Variants in ALG9 observed in about 807,000 individuals in gnomAD.
The protein encoded by ALG9 is alpha-1,2-mannosyltransferase ALG9.
In ALG9, 55 loss-of-function variants were observed where a neutral mutation model predicts 81.8. That is an observed-to-expected ratio of 0.67 (90% CI 0.54 to 0.84). The LOEUF (loss-of-function observed/expected upper bound fraction) is 0.84. Ranked by LOEUF, ALG9 falls within the 40% of genes least tolerant of loss-of-function variation. The pLI is 0.00. For synonymous variants in ALG9, 278 were observed against 274.3 expected, an observed-to-expected ratio of 1.01 and a Z score of -0.13; for missense variants, 629 against 745.0, an observed-to-expected ratio of 0.84 and a Z score of 1.81.
At chr11:111,805,218 A>C in intron 14 of ALG9, 1 of 456,094 alleles carries the variant, frequency 2.2e-6, no homozygotes, top group Non-Finnish European at 4.4e-6. Flanking sequence ...TCTTGCAGCC[A>C]TGTGAGGATA....
the ALG9 span, among the ~76,000 whole-genome samples, chr11:111,776,435 C>G: frequency 6.6e-6 from 1 of 151,960 alleles, no homozygotes. Context: ...ACTAAAAATA[C>G]AAAAGTTAGC....
chr11:111,822,729 A>G (rs1249777320), intron 13 of ALG9, among the ~76,000 whole-genome samples: 2 of 151,760 alleles, frequency 1.3e-5, no homozygotes, highest in East Asian at 3.9e-4. Context: ...AAATAAACAA[A>G]CAAAAAAAAC....
At chr11:111,861,376 C>T (rs1960057872) in intron 4 of ALG9, among the ~76,000 whole-genome samples, 1 of 152,148 alleles carries the variant, frequency 6.6e-6, no homozygotes, top group Admixed American at 6.5e-5. Flanking sequence ...TTGCTTTTTC[C>T]TAAGTACCTC....
intron 14 of ALG9, among the ~76,000 whole-genome samples, chr11:111,806,535 G>A (rs1419745330): frequency 1.3e-5 from 2 of 152,142 alleles, no homozygotes; most frequent in African/African-American, 2.4e-5. Context: ...CTACTTTACT[G>A]ATGATTGCCC....
intron 13 of ALG9, chr11:111,828,891 C>T (rs1348106037): frequency 2.6e-5 from 4 of 152,116 alleles, no homozygotes; most frequent in African/African-American, 9.7e-5. Flanking sequence ...AGTGTATATC[C>T]CAGAACTTCT....
intron 13 of ALG9, among the ~76,000 whole-genome samples, chr11:111,826,990 C>T (rs1953427408): frequency 6.6e-6 from 1 of 152,086 alleles, no homozygotes; most frequent in Non-Finnish European, 1.5e-5. Context: ...TTTTTAATTT[C>T]TAGCAGCTCT....
At chr11:111,848,083 C>T (rs1957186280) in intron 8 of ALG9, among the ~76,000 whole-genome samples, 2 of 152,136 alleles carry the variant, frequency 1.3e-5, no homozygotes, top group Admixed American at 1.3e-4. Flanking sequence ...TCTTATCCCA[C>T]TTTTGCTACT....
At chr11:111,790,269 G>A (rs547738704) in intron 14 of ALG9, among the ~76,000 whole-genome samples, 1 of 152,116 alleles carries the variant, frequency 6.6e-6, no homozygotes, top group Admixed American at 6.5e-5. Context: ...GGAGCTTGTA[G>A]TAAACCAAGA....
At chr11:111,870,732 C>T (rs1180891260) in intron 1 of ALG9, 11 of 1,019,514 alleles carry the variant, frequency 1.1e-5, no homozygotes, top group Non-Finnish European at 1.3e-5. Context: ...TAGCTCAATG[C>T]ATTTATGTCA....
In ALG9 at chr11:111,867,263, A is replaced by C. The variant is rs9919561; in HGVS notation, c.405+1339T>G. On this transcript the variant is annotated intron_variant, in intron 3 of 14. Transcript: ENST00000616540. The stretch of plus-strand genomic sequence containing the variant: ...TCTGAAAACCTTGCAGTGGCTTTAC[A>C]TAACAGACTTGGGGGGAAAAGAACA... 5.4e-3 allele frequency among the ~76,000 whole-genome samples: 827 copies of C among 152,358 alleles called. 3 individuals carry two copies. Among genetic ancestry groups the C allele is most frequent in the African/African-American group, 0.019 (775 of 41,582 alleles).
chr11:111,820,572 A>G (rs1180707868), intron 13 of ALG9, among the ~76,000 whole-genome samples: 1 of 152,174 alleles, frequency 6.6e-6, no homozygotes, highest in Non-Finnish European at 1.5e-5. Flanking sequence ...AACACTGACA[A>G]ATTGGGGATC....
rs1228916197 is a variant in ALG9, at chr11:111,785,844, A to C, written c.*553T>G. ...CCTAGTCCTGTGAAGTGCTTTAAAG[A>C]AGCTTAGTCTTGCTGGAGGTGAAAA... On this transcript the variant is annotated 3_prime_UTR_variant, in exon 15 of 15. Transcript: ENST00000616540. The C allele has an allele frequency of 8.4e-6, 3 of 357,470 alleles. No individual in the cohort carries two copies. The highest frequency in any genetic ancestry group is 3.8e-5 in the Admixed American group (1 of 26,134). The allele number at this position is 357,470 out of a possible 1,614,324, so 22.1% of individuals were successfully genotyped here.
At position 111,871,535 on chromosome 11, in the gene ALG9, A is replaced by C. The variant is rs1356268072; in HGVS notation, c.-53T>G. Reference sequence around the variant, plus strand: ...CACCCTATGAAGTCGGTGAGCGCGCAGACATAGCTTTGGCTGGCAAACGGT... The same window carrying C: ...CACCCTATGAAGTCGGTGAGCGCGCCGACATAGCTTTGGCTGGCAAACGGT... On this transcript the variant is annotated 5_prime_UTR_variant, in exon 1 of 15. Transcript: ENST00000616540. The C allele has an allele frequency of 6.5e-7, 1 of 1,534,624 alleles. No homozygotes were observed.
At chr11:111,798,424 C>T (rs1948619854) in intron 14 of ALG9, among the ~76,000 whole-genome samples, 1 of 152,116 alleles carries the variant, frequency 6.6e-6, no homozygotes, top group African/African-American at 2.4e-5. Context: ...TCCCACCAGA[C>T]TCCCACAACC....
intron 13 of ALG9, among the ~76,000 whole-genome samples, chr11:111,826,421 C>T (rs1953312878): frequency 6.6e-6 from 1 of 151,138 alleles, no homozygotes. Flanking sequence ...AAACTTAGTA[C>T]AAGAAGCTTA....
chr11:111,852,926 G>A (rs1327854888), intron 8 of ALG9, among the ~76,000 whole-genome samples: 4 of 140,558 alleles, frequency 2.8e-5, no homozygotes, highest in African/African-American at 1.1e-4. Flanking sequence ...TGGGCAACAA[G>A]AGTCTAACTC....
At chr11:111,776,803 CT>C in the ALG9 span, among the ~76,000 whole-genome samples, 3 of 152,290 alleles carry the variant, frequency 2.0e-5, no homozygotes, top group African/African-American at 7.2e-5. Context: ...TTACCCTACA[CT>C]TTCAAAATGC....
chr11:111,782,008 G>A (rs1218628623), downstream of ALG9, among the ~76,000 whole-genome samples: 1 of 152,146 alleles, frequency 6.6e-6, no homozygotes, highest in African/African-American at 2.4e-5. Flanking sequence ...TCCTCACTGG[G>A]TTTCCCAAAG....
intron 14 of ALG9, among the ~76,000 whole-genome samples, chr11:111,800,255 C>T (rs1283983055): frequency 1.3e-5 from 2 of 151,738 alleles, no homozygotes; most frequent in African/African-American, 2.4e-5. Flanking sequence ...CTGAGGCAGG[C>T]GGATCATGAG....
Sources: gnomAD v4.1 joint callset for allele counts (sites outside exome capture counted in the v4.1 genomes callset) on GRCh38, gnomAD v4.1.1 for gene constraint, MANE v1.5 for transcripts, NCBI Gene and HGNC (gene_info 2026-07-23, HGNC 2026-07-21) for gene names.